The following GALNTL6 variants were observed in gnomAD, a reference collection of about 807,000 sequenced individuals.
GALNTL6 encodes the protein polypeptide N-acetylgalactosaminyltransferase like 6, also known as polypeptide N-acetylgalactosaminyltransferase-like 6.
GALNTL6 carries 46 observed loss-of-function variants against 73.7 expected under a neutral mutation model. The ratio of observed to expected loss-of-function variants is 0.62; its 90% CI spans 0.49 to 0.80. The LOEUF (loss-of-function observed/expected upper bound fraction) is 0.80, where lower values mean the gene tolerates loss of function less well. Ranked by LOEUF, GALNTL6 falls within the 30% of genes least tolerant of loss-of-function variation. The pLI is 0.00. For missense variants in GALNTL6, 604 were observed against 755.0 expected (o/e 0.80, Z 2.34); for synonymous variants, 259 against 263.7 (o/e 0.98, Z 0.17).
At chr4:172,169,421 A>T (rs1205807372) in intron 2 of GALNTL6, among the ~76,000 whole-genome samples, 1 of 152,232 alleles carries the variant, frequency 6.6e-6, no homozygotes, top group Non-Finnish European at 1.5e-5. Context: ...TTTGGGTAAG[A>T]TGCTTCAACT....
At chr4:171,881,429 G>A (rs778172736) in intron 2 of GALNTL6, among the ~76,000 whole-genome samples, 2 of 152,126 alleles carry the variant, frequency 1.3e-5, no homozygotes, top group African/African-American at 4.8e-5. Context: ...TGGGGGCAGG[G>A]AGGCTAGGCC....
chr4:172,380,422 G>A lies in GALNTL6; in HGVS notation c.553+31733G>A, dbSNP rs1320454424. 5 of 563,036 alleles carry A rather than the reference G, an allele frequency of 8.9e-6. No homozygotes were observed. The African/African-American group carries it at 9.4e-5, about 11-fold the overall frequency. 34.9% of individuals were successfully genotyped at this position (563,036 alleles called of 1,614,324 possible). On this transcript the variant is annotated intron_variant, in intron 5 of 12. Coordinates refer to ENST00000506823, the MANE Select transcript of GALNTL6 (RefSeq NM_001034845.3). ...TGCTCTCATATGGTTCTGCTTTGAG[G>A]CCAGGAACTGGTTCTGCCAGCAAAA... is the stretch of plus-strand genomic sequence containing the variant.
chr4:171,908,509 G>T (rs1737371801), intron 2 of GALNTL6, among the ~76,000 whole-genome samples: 1 of 152,120 alleles, frequency 6.6e-6, no homozygotes, highest in Non-Finnish European at 1.5e-5. Context: ...TGCTGGAGAG[G>T]ATGTGGAGAA....
chr4:172,677,560 G>A (rs981746558), intron 5 of GALNTL6, among the ~76,000 whole-genome samples: 1 of 152,156 alleles, frequency 6.6e-6, no homozygotes, highest in Admixed American at 6.5e-5. Context: ...AATGGTCACA[G>A]TCATGCACAT....
chr4:172,582,928 T>C (rs1737250492), intron 5 of GALNTL6, among the ~76,000 whole-genome samples: 1 of 152,246 alleles, frequency 6.6e-6, no homozygotes, highest in African/African-American at 2.4e-5. Flanking sequence ...AGATTATGTC[T>C]ATCCCTTTCT....
chr4:172,255,974 A>G (rs1738061579), intron 3 of GALNTL6, among the ~76,000 whole-genome samples: 1 of 151,508 alleles, frequency 6.6e-6, no homozygotes, highest in African/African-American at 2.4e-5. Context: ...AGATAATTGT[A>G]GTGCATATCT....
intron 5 of GALNTL6, among the ~76,000 whole-genome samples, chr4:172,361,073 AG>A (rs1375665236): frequency 1.3e-5 from 2 of 152,184 alleles, no homozygotes. Flanking sequence ...TGTGTGAAAA[AG>A]GGTACAGCAA....
intron 5 of GALNTL6, among the ~76,000 whole-genome samples, chr4:172,793,108 G>T (rs1471872190): frequency 6.6e-6 from 1 of 152,098 alleles, no homozygotes; most frequent in African/African-American, 2.4e-5. Context: ...GTACTTATTT[G>T]TACCACATTT....
At chr4:172,094,522 A>G (rs1350016430) in intron 2 of GALNTL6, among the ~76,000 whole-genome samples, 1 of 152,108 alleles carries the variant, frequency 6.6e-6, no homozygotes. Flanking sequence ...TAACAGTCCT[A>G]AAGAAAGGGA....
chr4:172,253,460 A>G (rs1297010141), intron 3 of GALNTL6, among the ~76,000 whole-genome samples: 2 of 152,006 alleles, frequency 1.3e-5, no homozygotes, highest in African/African-American at 2.4e-5. Flanking sequence ...TTTGACTCCC[A>G]TATTAAAGTC....
intron 10 of GALNTL6, among the ~76,000 whole-genome samples, chr4:172,979,231 G>A (rs1208229037): frequency 2.6e-5 from 4 of 152,198 alleles, no homozygotes; most frequent in Non-Finnish European, 4.4e-5. Flanking sequence ...AGATTCACGT[G>A]TGCCAAAATT....
Position 172,241,027 on chromosome 4 carries a change from C to T in GALNTL6, c.247+11263C>T, listed in dbSNP as rs1737418977. ...ATAATCAGTTTACTTTATTTCAGAACATTTTCAGAGGGTCAAGGTTTTGTT... is the reference window on the plus strand; with the variant it reads ...ATAATCAGTTTACTTTATTTCAGAATATTTTCAGAGGGTCAAGGTTTTGTT... On this transcript the variant is annotated intron_variant, in intron 3 of 12. Coordinates refer to ENST00000506823, the MANE Select transcript of GALNTL6 (RefSeq NM_001034845.3). 2.0e-5 allele frequency among the ~76,000 whole-genome samples: 3 copies of T among 152,168 alleles called. No homozygotes were observed. The South Asian group carries it at 6.2e-4, about 31-fold the overall frequency.
At chr4:172,984,321 G>T (rs1751199709) in intron 10 of GALNTL6, among the ~76,000 whole-genome samples, 2 of 152,148 alleles carry the variant, frequency 1.3e-5, no homozygotes, top group African/African-American at 4.8e-5. Context: ...GCAGGAGAGA[G>T]AATAAGTGCT....
At chr4:172,042,390 C>T (rs1360747679) in intron 2 of GALNTL6, among the ~76,000 whole-genome samples, 1 of 151,990 alleles carries the variant, frequency 6.6e-6, no homozygotes, top group Admixed American at 6.6e-5. Flanking sequence ...AAGCCTTTAA[C>T]TCCATAACTT....
At chr4:172,715,137 A>T (rs1268424283) in intron 5 of GALNTL6, among the ~76,000 whole-genome samples, 1 of 152,212 alleles carries the variant, frequency 6.6e-6, no homozygotes, top group African/African-American at 2.4e-5. Flanking sequence ...GCCAGGAATT[A>T]TCCTTTTGGG....
chr4:172,649,383 T>A (rs1740378393), intron 5 of GALNTL6, among the ~76,000 whole-genome samples: 2 of 152,166 alleles, frequency 1.3e-5, no homozygotes, highest in Non-Finnish European at 1.5e-5. Context: ...TTACTGTAAA[T>A]AAAGTCTTTA....
intron 3 of GALNTL6, among the ~76,000 whole-genome samples, chr4:172,250,152 C>A (rs1299221904): frequency 2.6e-5 from 4 of 152,128 alleles, no homozygotes; most frequent in Non-Finnish European, 5.9e-5. Context: ...TGTGGGAGCC[C>A]ACTCCTGCAT....
chr4:172,185,850 T>G (rs1282820881), intron 2 of GALNTL6, among the ~76,000 whole-genome samples: 3 of 152,184 alleles, frequency 2.0e-5, no homozygotes, highest in Non-Finnish European at 4.4e-5. Flanking sequence ...AATATAGCAT[T>G]GTAAAAAGCG....
At chr4:171,867,957 G>T (rs1736015485) in intron 2 of GALNTL6, among the ~76,000 whole-genome samples, 1 of 146,386 alleles carries the variant, frequency 6.8e-6, no homozygotes. Flanking sequence ...TAACCTTTGG[G>T]TTTAAATCTA....
Sources: gnomAD v4.1 joint callset for allele counts (sites outside exome capture counted in the v4.1 genomes callset) on GRCh38, gnomAD v4.1.1 for gene constraint, MANE v1.5 for transcripts, NCBI Gene and HGNC (gene_info 2026-07-23, HGNC 2026-07-21) for gene names.